Variants in TMEM178B observed in about 807,000 individuals in gnomAD.
TMEM178B encodes transmembrane protein 178B.
In TMEM178B, 5 loss-of-function variants were observed where a neutral mutation model predicts 31.0. The ratio of observed to expected loss-of-function variants is 0.16; its 90% CI spans 0.08 to 0.34. The LOEUF (loss-of-function observed/expected upper bound fraction) is 0.34. Among genes scored for constraint, TMEM178B ranks in the 10% least tolerant of loss-of-function variants. TMEM178B has a pLI of 1.00. For missense variants in TMEM178B, 275 were observed against 400.3 expected, an observed-to-expected ratio of 0.69 and a Z score of 2.67; for synonymous variants, 164 against 164.0, an observed-to-expected ratio of 1.00 and a Z score of 0.00.
intron 2 of TMEM178B, among the ~76,000 whole-genome samples, chr7:141,223,729 A>G (rs1388103484): frequency 6.6e-6 from 1 of 152,154 alleles, no homozygotes; most frequent in East Asian, 1.9e-4. Flanking sequence ...AGGTTGGCAC[A>G]GAATACAGTT....
intron 1 of TMEM178B, among the ~76,000 whole-genome samples, chr7:141,162,198 C>T (rs987234580): frequency 1.3e-5 from 2 of 152,230 alleles, no homozygotes; most frequent in African/African-American, 2.4e-5. Context: ...TGGAGGCTGA[C>T]GCGTGACGCC....
intron 2 of TMEM178B, among the ~76,000 whole-genome samples, chr7:141,398,493 T>A (rs1240796887): frequency 6.6e-6 from 1 of 152,138 alleles, no homozygotes; most frequent in East Asian, 1.9e-4. Flanking sequence ...TCCCCTCCTC[T>A]CCACTTCTTT....
At chr7:141,309,642 G>T (rs993566022) in intron 2 of TMEM178B, among the ~76,000 whole-genome samples, 4 of 152,194 alleles carry the variant, frequency 2.6e-5, no homozygotes, top group African/African-American at 9.6e-5. Flanking sequence ...AACTAAAAAA[G>T]TTTACTGATT....
intron 2 of TMEM178B, among the ~76,000 whole-genome samples, chr7:141,229,835 C>T (rs1210725870): frequency 6.6e-6 from 1 of 152,004 alleles, no homozygotes; most frequent in Non-Finnish European, 1.5e-5. Flanking sequence ...TATAATTCCC[C>T]ACGGTACACC....
intron 1 of TMEM178B, among the ~76,000 whole-genome samples, chr7:141,195,802 G>A (rs998442286): frequency 2.6e-5 from 4 of 152,286 alleles, no homozygotes; most frequent in African/African-American, 9.6e-5. Flanking sequence ...CACATGGCTG[G>A]GGAGGCCTCA....
At chr7:141,455,397 A>C (rs551598348) in intron 3 of TMEM178B, among the ~76,000 whole-genome samples, 1 of 152,210 alleles carries the variant, frequency 6.6e-6, no homozygotes, top group Non-Finnish European at 1.5e-5. Context: ...TTGATGAATC[A>C]TATTTAAACA....
chr7:141,459,115 C>T (rs1388844885), intron 3 of TMEM178B, among the ~76,000 whole-genome samples: 4 of 152,162 alleles, frequency 2.6e-5, no homozygotes, highest in African/African-American at 4.8e-5. Flanking sequence ...CTGCAACCTC[C>T]GCCTCCGGGG....
At chr7:141,163,189 G>A (rs375322499) in intron 1 of TMEM178B, among the ~76,000 whole-genome samples, 1 of 152,184 alleles carries the variant, frequency 6.6e-6, no homozygotes, top group Non-Finnish European at 1.5e-5. Flanking sequence ...AGCTAGGGCG[G>A]TTCTTCATGT....
At chr7:141,383,835 CA>C (rs1800377459) in intron 2 of TMEM178B, among the ~76,000 whole-genome samples, 1 of 152,142 alleles carries the variant, frequency 6.6e-6, no homozygotes, top group Admixed American at 6.5e-5. Context: ...GACCCATCAA[CA>C]GAGTAAAAGT....
intron 2 of TMEM178B, among the ~76,000 whole-genome samples, chr7:141,433,042 A>G (rs1323399534): frequency 6.6e-6 from 1 of 152,172 alleles, no homozygotes. Context: ...CTCAACATCC[A>G]TATGCACACA....
intron 2 of TMEM178B, among the ~76,000 whole-genome samples, chr7:141,245,938 G>A (rs181200999): frequency 3.3e-5 from 5 of 152,264 alleles, no homozygotes; most frequent in Non-Finnish European, 5.9e-5. Flanking sequence ...TGGAACCACC[G>A]TCAGACTGGA....
chr7:141,353,614 C>T (rs1456667908), intron 2 of TMEM178B, among the ~76,000 whole-genome samples: 2 of 152,218 alleles, frequency 1.3e-5, no homozygotes, highest in East Asian at 3.8e-4. Flanking sequence ...TTACTGCTGT[C>T]TCTGATGACT....
intron 2 of TMEM178B, among the ~76,000 whole-genome samples, chr7:141,410,483 CTT>C (rs1251211153): frequency 2.3e-5 from 1 of 43,242 alleles, no homozygotes; most frequent in East Asian, 9.3e-4. Context: ...TTCTTTTTTT[CTT>C]TCTCTCCTTC....
chr7:141,502,435 G>C, the TMEM178B span, among the ~76,000 whole-genome samples: 2 of 152,158 alleles, frequency 1.3e-5, no homozygotes, highest in African/African-American at 4.8e-5. Flanking sequence ...ACTCTAAAGA[G>C]AAAGGTTAAA....
intron 2 of TMEM178B, among the ~76,000 whole-genome samples, chr7:141,232,051 A>C (rs1797456299): frequency 6.6e-6 from 1 of 152,180 alleles, no homozygotes; most frequent in African/African-American, 2.4e-5. Context: ...ATAAGTGAGA[A>C]CATGCGGTGT....
intron 2 of TMEM178B, among the ~76,000 whole-genome samples, chr7:141,248,451 G>A (rs1337626774): frequency 1.3e-5 from 2 of 152,156 alleles, no homozygotes; most frequent in Admixed American, 1.3e-4. Flanking sequence ...ATGGGGATAC[G>A]TTCTGAGAAA....
At chr7:141,263,013 TTTC>T (rs1798039031) in intron 2 of TMEM178B, among the ~76,000 whole-genome samples, 1 of 152,168 alleles carries the variant, frequency 6.6e-6, no homozygotes, top group Admixed American at 6.5e-5. Flanking sequence ...AATGCTGACA[TTTC>T]TTCTTCCTGT....
chr7:141,433,616 T>A (rs1035037056), intron 2 of TMEM178B, among the ~76,000 whole-genome samples: 1 of 152,238 alleles, frequency 6.6e-6, no homozygotes, highest in Non-Finnish European at 1.5e-5. Flanking sequence ...AAATCTTTAA[T>A]TGCATTATTT....
chr7:141,329,894 A>T (rs181341388), intron 2 of TMEM178B, among the ~76,000 whole-genome samples: 7 of 152,342 alleles, frequency 4.6e-5, no homozygotes, highest in Admixed American at 3.9e-4. Context: ...CAAAGAGGGG[A>T]ACTCATCAGG....
Sources: allele counts gnomAD v4.1 joint callset (sites outside exome capture counted in the v4.1 genomes callset), GRCh38; gene constraint gnomAD v4.1.1; transcripts MANE v1.5; gene names NCBI Gene and HGNC (gene_info 2026-07-23, HGNC 2026-07-21).